ANXA6: variants seen among roughly 807,000 people sequenced by gnomAD.
The protein encoded by ANXA6 is 67 kDa calelectrin.
In ANXA6, 71 loss-of-function variants were observed where a neutral mutation model predicts 95.4. The observed-to-expected ratio is 0.74, with a 90% CI of 0.61 to 0.91. The LOEUF is 0.91. ANXA6 is among the 40% of genes least tolerant of loss of function. The probability of loss-of-function intolerance (pLI) is 0.00; values close to 1 mark genes in which losing one functional copy is unlikely to be tolerated. For synonymous variants in ANXA6, 289 were observed against 315.9 expected (o/e 0.91, Z 0.90); for missense variants, 830 against 876.4 (o/e 0.95, Z 0.67).
chr5:151,128,829 T>G (rs1042535274), intron 12 of ANXA6, among the ~76,000 whole-genome samples: 1 of 152,212 alleles, frequency 6.6e-6, no homozygotes, highest in African/African-American at 2.4e-5. Context: ...CAAACTTATT[T>G]TCCCATAGAA....
chr5:151,125,254 G>A (rs1765284018), intron 14 of ANXA6, among the ~76,000 whole-genome samples: 1 of 149,278 alleles, frequency 6.7e-6, no homozygotes, highest in South Asian at 2.1e-4. Context: ...AAGCTAAGTG[G>A]AAGGATCACC....
Position 151,137,311 on chromosome 5 carries a change from G to A in ANXA6, c.329C>T (p.Thr110Ile). The change falls in exon 6 of 26, where the codon ACT becomes ATT. Residue 110 changes from threonine (T) to isoleucine (I), a missense_variant. Coordinates refer to ENST00000354546, the MANE Select transcript of ANXA6 (RefSeq NM_001155.5). ...GATCTCAATGAGGCACTTCTCATCAGTGCCAATGCCCTGGGGGTAGAAAAA... is the reference window on the plus strand; with the variant it reads ...GATCTCAATGAGGCACTTCTCATCAATGCCAATGCCCTGGGGGTAGAAAAA... ...EIKDAISGIG[T>I]DEKCLIEILA... The A allele has an allele frequency of 6.2e-7, 1 of 1,612,954 alleles. No homozygotes were observed. Among genetic ancestry groups the A allele is most frequent in the East Asian group, 2.2e-5 (1 of 44,862 alleles).
intron 5 of ANXA6, 136 bp from the exon 6 acceptor site, chr5:151,137,457 G>A: frequency 1.8e-6 from 1 of 570,346 alleles, no homozygotes; most frequent in Non-Finnish European, 3.1e-6. Flanking sequence ...GGCACTGATT[G>A]GGAACTCCTG....
At chr5:151,119,883 A>G (rs912789227) in intron 17 of ANXA6, among the ~76,000 whole-genome samples, 1 of 152,002 alleles carries the variant, frequency 6.6e-6, no homozygotes, top group Non-Finnish European at 1.5e-5. Flanking sequence ...TAAAATGCTA[A>G]ATTTTTTTTC....
At chr5:151,157,237 G>T (rs1004071977) in intron 1 of ANXA6, among the ~76,000 whole-genome samples, 2 of 152,156 alleles carry the variant, frequency 1.3e-5, no homozygotes, top group Non-Finnish European at 2.9e-5. Flanking sequence ...TAAGCAGCTG[G>T]AGGGTCCAAC....
At chr5:151,101,672 G>A (rs1435902343) in intron 25 of ANXA6, among the ~76,000 whole-genome samples, 165 bp from the exon 26 acceptor site, 1 of 152,142 alleles carries the variant, frequency 6.6e-6, no homozygotes, top group Admixed American at 6.5e-5. Flanking sequence ...ACACATAAAT[G>A]TGACCACGTC....
chr5:151,128,811 G>A (rs923492120), intron 12 of ANXA6, among the ~76,000 whole-genome samples: 1 of 152,134 alleles, frequency 6.6e-6, no homozygotes, highest in Non-Finnish European at 1.5e-5. Context: ...GCTTATTGTG[G>A]TTTGTTACAA....
intron 2 of ANXA6, among the ~76,000 whole-genome samples, chr5:151,144,088 A>G (rs1328414198): frequency 6.6e-6 from 1 of 152,200 alleles, no homozygotes; most frequent in Admixed American, 6.5e-5. Context: ...TGATGGGGAT[A>G]AACAATTCAG....
chr5:151,129,801 TC>T (rs1765444028), intron 11 of ANXA6, among the ~76,000 whole-genome samples: 1 of 152,092 alleles, frequency 6.6e-6, no homozygotes, highest in East Asian at 1.9e-4. Flanking sequence ...ACCTCTGCCT[TC>T]CAGACTCAAG....
chr5:151,118,622 C>A (rs759051670), intron 18 of ANXA6, among the ~76,000 whole-genome samples: 5 of 152,070 alleles, frequency 3.3e-5, no homozygotes, highest in Non-Finnish European at 4.4e-5. Flanking sequence ...TTAGTAGAGA[C>A]GGGGTCTCAC....
At chr5:151,141,626 G>A (rs1582014210) in intron 2 of ANXA6, 20 of 985,410 alleles carry the variant, frequency 2.0e-5, no homozygotes, top group Non-Finnish European at 2.2e-5. Context: ...GCAGGACCCC[G>A]GCCAGGCCTC....
intron 12 of ANXA6, 139 bp from the exon 13 acceptor site, chr5:151,128,378 G>A: frequency 1.4e-6 from 1 of 701,292 alleles, no homozygotes; most frequent in East Asian, 2.7e-5. Flanking sequence ...CTCCTGTGCT[G>A]GTTAATATTG....
chr5:151,134,855 A>G (rs1765613320), intron 7 of ANXA6, among the ~76,000 whole-genome samples: 1 of 152,188 alleles, frequency 6.6e-6, no homozygotes, highest in South Asian at 2.1e-4. Context: ...ACACTCCTCC[A>G]GCAACGATTC....
chr5:151,105,022 C>A (rs1764657128), intron 24 of ANXA6, among the ~76,000 whole-genome samples: 1 of 152,236 alleles, frequency 6.6e-6, no homozygotes. Flanking sequence ...AAAAATGTGT[C>A]TGGATATTGC....
Position 151,133,099 on chromosome 5 carries a change from C to T in ANXA6, c.635G>A (p.Arg212Gln), listed in dbSNP as rs939887951. Residue 212 changes from arginine to glutamine, a missense_variant, in exon 9 of 26, where the codon CGG becomes CAG. By Grantham distance (43) the Arg-to-Gln change is conservative. Transcript: ENST00000354546. ...ILGNRSKQHL[R>Q]LVFDEYLKTT... ...AGGTCTTCTCTGGAGCTTACCCAAC[C>T]GAAGATGCTGCTTGCTGCGATTTCC... The T allele has an allele frequency of 2.6e-5, 42 of 1,592,650 alleles. No individual in the cohort carries two copies. Among genetic ancestry groups the T allele is most frequent in the Admixed American group, 3.5e-5 (2 of 57,372 alleles).
In ANXA6 at chr5:151,140,141, C is replaced by A. The variant is rs772333720; in HGVS notation, c.109+12G>T. 3.7e-6 allele frequency: 6 copies of A among 1,613,414 alleles called. No individual in the cohort carries two copies. Among genetic ancestry groups the A allele is most frequent in the Admixed American group, 1.7e-5 (1 of 59,978 alleles). On this transcript the variant is annotated intron_variant, in intron 3 of 25. Transcript: ENST00000354546. ...GGATACCCCTCAAGCTCCCATGAAG[C>A]CTGGCACCCACCAAAGCCCTTCATG... is the stretch of plus-strand genomic sequence containing the variant.
intron 2 of ANXA6, among the ~76,000 whole-genome samples, chr5:151,147,032 C>T (rs1252620023): frequency 6.6e-6 from 1 of 152,312 alleles, no homozygotes; most frequent in African/African-American, 2.4e-5. Context: ...TTCAGCCTCC[C>T]AAAGTGCTGG....
At chr5:151,141,294 C>A (rs564997771) in intron 2 of ANXA6, among the ~76,000 whole-genome samples, 33 of 152,282 alleles carry the variant, frequency 2.2e-4, no homozygotes, top group Non-Finnish European at 3.5e-4. Context: ...TTCATTTGTG[C>A]TAGGCCCTAC....
intron 6 of ANXA6, among the ~76,000 whole-genome samples, chr5:151,136,854 C>T (rs545617113): frequency 6.6e-6 from 1 of 152,340 alleles, no homozygotes; most frequent in African/African-American, 2.4e-5. Flanking sequence ...TCTCTCCATT[C>T]TTTATACGAT....
Sources: gnomAD v4.1 joint callset for allele counts (sites outside exome capture counted in the v4.1 genomes callset) on GRCh38, gnomAD v4.1.1 for gene constraint, MANE v1.5 for transcripts, NCBI Gene and HGNC (gene_info 2026-07-23, HGNC 2026-07-21) for gene names.